TLE4: variants seen among roughly 807,000 people sequenced by gnomAD.
TLE4 encodes the protein TLE family member 4, transcriptional corepressor.
TLE4 carries 8 observed loss-of-function variants against 92.8 expected under a neutral mutation model. The ratio of observed to expected loss-of-function variants is 0.09; its 90% CI spans 0.05 to 0.16. The LOEUF (loss-of-function observed/expected upper bound fraction) is 0.16. TLE4 is among the 10% of genes least tolerant of loss of function. TLE4 has a pLI of 1.00. For synonymous variants in TLE4, 371 were observed against 374.1 expected (o/e 0.99, Z 0.10); for missense variants, 675 against 997.6 (o/e 0.68, Z 4.36).
intron 4 of TLE4, among the ~76,000 whole-genome samples, chr9:79,590,939 G>T (rs1013615067): frequency 3.3e-5 from 5 of 152,192 alleles, no homozygotes; most frequent in Non-Finnish European, 5.9e-5. Flanking sequence ...TAATCTTCAT[G>T]AGATTGTTTT....
intron 8 of TLE4, among the ~76,000 whole-genome samples, chr9:79,667,318 G>A (rs2061556732): frequency 6.6e-6 from 1 of 152,176 alleles, no homozygotes; most frequent in South Asian, 2.1e-4. Flanking sequence ...GAGGGCCAGG[G>A]CCCACGTCAG....
At chr9:79,677,234 T>C (rs1162324458) in intron 8 of TLE4, among the ~76,000 whole-genome samples, 1 of 152,182 alleles carries the variant, frequency 6.6e-6, no homozygotes, top group African/African-American at 2.4e-5. Context: ...AAATGTATCA[T>C]GTATTCAAAG....
intron 8 of TLE4, among the ~76,000 whole-genome samples, chr9:79,678,846 C>T (rs185297806): frequency 6.7e-6 from 1 of 150,340 alleles, no homozygotes; most frequent in Non-Finnish European, 1.5e-5. Flanking sequence ...TGTTCAATTC[C>T]CATCCATGAG....
In TLE4 at chr9:79,572,597, G is replaced by A. The variant is rs1035236642; in HGVS notation, c.-194G>A. Reference sequence around the variant, plus strand: ...GCCCGCGGGGAATGCGGAGCGGCCCGGCAGCCGGCACCCAGCCGCCGCCGC... The same window carrying A: ...GCCCGCGGGGAATGCGGAGCGGCCCAGCAGCCGGCACCCAGCCGCCGCCGC... On this transcript the variant is annotated 5_prime_UTR_variant, in exon 1 of 20. Coordinates refer to ENST00000376552, the MANE Select transcript of TLE4 (RefSeq NM_007005.6). 16 of 242,484 alleles carry A rather than the reference G, an allele frequency of 6.6e-5. No individual in the cohort carries two copies. The highest frequency in any genetic ancestry group is 1.2e-4 in the Non-Finnish European group (15 of 126,032). The allele number at this position is 242,484 out of a possible 1,614,324, so 15.0% of individuals were successfully genotyped here. A position where few individuals can be genotyped will look rare whatever the true frequency, so the allele number is the denominator to read the frequency against.
At chr9:79,635,683 A>G (rs956592284) in intron 6 of TLE4, among the ~76,000 whole-genome samples, 6 of 152,046 alleles carry the variant, frequency 3.9e-5, no homozygotes, top group Non-Finnish European at 5.9e-5. Flanking sequence ...TTGAAAATCA[A>G]TTAACCTTAT....
At chr9:79,664,701 G>C (rs1271839599) in intron 8 of TLE4, among the ~76,000 whole-genome samples, 4 of 151,864 alleles carry the variant, frequency 2.6e-5, no homozygotes, top group African/African-American at 2.4e-5. Flanking sequence ...CCCTCCTCCT[G>C]CCTCCCGCTG....
chr9:79,594,426 A>G (rs1311823616), intron 4 of TLE4, among the ~76,000 whole-genome samples: 1 of 152,156 alleles, frequency 6.6e-6, no homozygotes, highest in East Asian at 1.9e-4. Flanking sequence ...GTTAAGATTG[A>G]TAGTGTATTA....
intron 4 of TLE4, among the ~76,000 whole-genome samples, chr9:79,597,318 T>C (rs955332063): frequency 2.0e-5 from 3 of 152,196 alleles, no homozygotes; most frequent in African/African-American, 7.2e-5. Context: ...TCTACTTTTA[T>C]ATCTACCTTT....
At chr9:79,696,818 T>C (rs527703809) in intron 8 of TLE4, among the ~76,000 whole-genome samples, 5 of 152,340 alleles carry the variant, frequency 3.3e-5, no homozygotes, top group East Asian at 3.9e-4. Context: ...GCAGCTGTTA[T>C]GCTTGTGTTG....
chr9:79,689,912 C>T (rs2066703582), intron 8 of TLE4, among the ~76,000 whole-genome samples: 1 of 152,178 alleles, frequency 6.6e-6, no homozygotes, highest in Non-Finnish European at 1.5e-5. Flanking sequence ...CTTAAGCCTA[C>T]CCTCTCTGGA....
chr9:79,666,314 G>A (rs2061412262), intron 8 of TLE4, among the ~76,000 whole-genome samples: 1 of 147,564 alleles, frequency 6.8e-6, no homozygotes, highest in African/African-American at 2.5e-5. Flanking sequence ...TGCAATCTCT[G>A]TCTCCTGGGT....
intron 14 of TLE4, among the ~76,000 whole-genome samples, chr9:79,710,256 T>A (rs1450966843): frequency 6.6e-6 from 1 of 152,218 alleles, no homozygotes; most frequent in Non-Finnish European, 1.5e-5. Context: ...CCAAATACTT[T>A]ATTTTAATCT....
chr9:79,572,848 G>A lies in TLE4; in HGVS notation c.45+13G>A, dbSNP rs1321382696. The A allele has an allele frequency of 1.3e-6, 2 of 1,593,656 alleles. No individual in the cohort carries two copies. Among genetic ancestry groups the A allele is most frequent in the Admixed American group, 1.7e-5 (1 of 58,152 alleles). ...GACCAGACACCCAGTGAGTGCGGGC[G>A]GCGGGGCGCGGGCTCGCCGGGTGCT... On this transcript the variant is annotated intron_variant, in intron 1 of 19. Transcript: ENST00000376552.
intron 8 of TLE4, among the ~76,000 whole-genome samples, chr9:79,684,799 T>C (rs552240429): frequency 1.8e-4 from 28 of 152,292 alleles, no homozygotes; most frequent in South Asian, 1.4e-3. Flanking sequence ...CTTTGCATCA[T>C]GTGTGCTACT....
At chr9:79,647,412 G>C (rs759323439) in intron 6 of TLE4, among the ~76,000 whole-genome samples, 1 of 152,024 alleles carries the variant, frequency 6.6e-6, no homozygotes, top group Admixed American at 6.5e-5. Context: ...TTAAAAGACC[G>C]ACAATAAAAA....
chr9:79,590,181 C>CTAG (rs1057378649), intron 4 of TLE4, among the ~76,000 whole-genome samples: 3 of 152,178 alleles, frequency 2.0e-5, no homozygotes, highest in African/African-American at 7.2e-5. Flanking sequence ...AAAATATAGT[C>CTAG]AACCTAAAGT....
Position 79,704,781 on chromosome 9 carries a change from A to T in TLE4, c.610-2A>T. On this transcript the variant is annotated splice_acceptor_variant, in intron 8 of 19. Coordinates refer to ENST00000376552, the MANE Select transcript of TLE4 (RefSeq NM_007005.6). LOFTEE classifies it high-confidence loss of function. ...CCATGCTTCCTCTCCTTCTAATTCCAGAGCTCTTCAGTATCCCCATCAGCC... is the reference window on the plus strand; with the variant it reads ...CCATGCTTCCTCTCCTTCTAATTCCTGAGCTCTTCAGTATCCCCATCAGCC... 1 of 1,612,224 alleles carries T rather than the reference A, an allele frequency of 6.2e-7. No individual in the cohort carries two copies. The highest frequency in any genetic ancestry group is 8.5e-7 in the Non-Finnish European group (1 of 1,179,546).
chr9:79,626,337 A>C (rs2052600487), intron 5 of TLE4, among the ~76,000 whole-genome samples: 1 of 152,214 alleles, frequency 6.6e-6, no homozygotes, highest in African/African-American at 2.4e-5. Flanking sequence ...ATAAGTGAAG[A>C]AAGTTAGCTA....
rs546808569 is a variant in TLE4, at chr9:79,645,391, A to G, written c.391-7202A>G. Among the ~76,000 whole-genome samples the G allele has an allele frequency of 1.6e-3, 245 of 152,310 alleles. 1 individual carries two copies. The highest frequency in any genetic ancestry group is 5.5e-3 in the African/African-American group (228 of 41,574). On this transcript the variant is annotated intron_variant, in intron 6 of 19. Transcript: ENST00000376552. ...CAAGGAAACTGCTGCCTGGCCTTCA[A>G]TTGGAAATGCCCAAAATTCCTAGGG...
Sources: allele counts gnomAD v4.1 joint callset (sites outside exome capture counted in the v4.1 genomes callset), GRCh38; gene constraint gnomAD v4.1.1; transcripts MANE v1.5; gene names NCBI Gene and HGNC (gene_info 2026-07-23, HGNC 2026-07-21).